ASIC2: variants seen among roughly 807,000 people sequenced by gnomAD.
ASIC2 encodes the protein acid sensing ion channel subunit 2.
A neutral mutation model predicts 57.3 loss-of-function variants in ASIC2; 25 were observed. The observed-to-expected ratio is 0.44, with a 90% CI of 0.32 to 0.61. The LOEUF (loss-of-function observed/expected upper bound fraction) is 0.61, where lower values mean the gene tolerates loss of function less well. ASIC2 is among the 20% of genes least tolerant of loss of function. The pLI is 0.06. For synonymous variants in ASIC2, 319 were observed against 307.5 expected (o/e 1.04, Z -0.39); for missense variants, 641 against 738.1 (o/e 0.87, Z 1.52).
chr17:33,873,881 C>T (rs1914484875), intron 1 of ASIC2, among the ~76,000 whole-genome samples: 2 of 152,170 alleles, frequency 1.3e-5, no homozygotes, highest in South Asian at 4.1e-4. Flanking sequence ...CAACTCCCTT[C>T]CACTGGTCTT....
At chr17:33,374,654 C>T (rs1397143412) in intron 1 of ASIC2, among the ~76,000 whole-genome samples, 4 of 152,190 alleles carry the variant, frequency 2.6e-5, no homozygotes, top group Non-Finnish European at 5.9e-5. Flanking sequence ...AAGAACCCAA[C>T]AGGTAATTAC....
chr17:33,431,543 C>G (rs532206747), intron 1 of ASIC2, among the ~76,000 whole-genome samples: 1 of 152,026 alleles, frequency 6.6e-6, no homozygotes, highest in Non-Finnish European at 1.5e-5. Flanking sequence ...AGGCGGAGGT[C>G]GCCGTGAGCT....
At chr17:33,978,035 C>T (rs932868607) in intron 1 of ASIC2, among the ~76,000 whole-genome samples, 1 of 152,134 alleles carries the variant, frequency 6.6e-6, no homozygotes, top group Non-Finnish European at 1.5e-5. Context: ...AGTCCTGGTG[C>T]CAGCCCTTGA....
intron 1 of ASIC2, among the ~76,000 whole-genome samples, chr17:33,523,692 C>T (rs1914807418): frequency 6.6e-6 from 1 of 152,192 alleles, no homozygotes; most frequent in Non-Finnish European, 1.5e-5. Flanking sequence ...ATGACACTTT[C>T]CCGTTGTTAT....
At chr17:33,948,901 G>T (rs1904470108) in intron 1 of ASIC2, among the ~76,000 whole-genome samples, 1 of 152,208 alleles carries the variant, frequency 6.6e-6, no homozygotes, top group Non-Finnish European at 1.5e-5. Context: ...GGGCCAGAGA[G>T]TAGATCTTTT....
At chr17:33,307,276 CCTT>C (rs112981249) in intron 1 of ASIC2, among the ~76,000 whole-genome samples, 75,439 of 147,472 alleles carry the variant, frequency 0.51, 19,352 homozygotes, top group East Asian at 0.72. Flanking sequence ...TCCTCCTCTT[CCTT>C]CTTCTTCTTC....
intron 1 of ASIC2, among the ~76,000 whole-genome samples, chr17:33,464,685 CTCTATATA>C (rs1567621338): frequency 3.8e-5 from 4 of 104,660 alleles, no homozygotes; most frequent in African/African-American, 7.6e-5. Context: ...CTCTCTCTCT[CTCTATATA>C]TATATATATA....
chr17:33,763,809 T>C (rs945629110), intron 1 of ASIC2, among the ~76,000 whole-genome samples: 21 of 152,214 alleles, frequency 1.4e-4, no homozygotes, highest in African/African-American at 5.1e-4. Flanking sequence ...TCTGGTTGCC[T>C]GTTACTGAAG....
At chr17:33,378,708 G>GAA (rs1015105749) in intron 1 of ASIC2, among the ~76,000 whole-genome samples, 3 of 152,242 alleles carry the variant, frequency 2.0e-5, no homozygotes, top group Non-Finnish European at 4.4e-5. Flanking sequence ...GCAAATCTCA[G>GAA]AAAAATGTTA....
At chr17:33,954,510 C>A (rs1204257382) in intron 1 of ASIC2, among the ~76,000 whole-genome samples, 1 of 152,166 alleles carries the variant, frequency 6.6e-6, no homozygotes, top group Non-Finnish European at 1.5e-5. Flanking sequence ...AGGAGCAAAA[C>A]GTCTCTGTTA....
Position 33,311,867 on chromosome 17 carries a change from C to T in ASIC2, c.556-199800G>A, listed in dbSNP as rs537342049. Among the ~76,000 whole-genome samples, 3 of 152,276 alleles carry T rather than the reference C, an allele frequency of 2.0e-5. No homozygotes were observed. In the East Asian group the frequency reaches 5.8e-4, roughly 29 times the overall value. ...ACTCTCATCTTTTTCTCCCAAACACCTTCCTCTTGAGTTTCTCAGCAAATG... is the reference window on the plus strand; with the variant it reads ...ACTCTCATCTTTTTCTCCCAAACACTTTCCTCTTGAGTTTCTCAGCAAATG... On this transcript the variant is annotated intron_variant, in intron 1 of 9. Coordinates refer to the ASIC2 transcript ENST00000359872.
intron 1 of ASIC2, chr17:33,572,311 A>G (rs1328392642): frequency 1.4e-5 from 2 of 146,416 alleles, no homozygotes; most frequent in Non-Finnish European, 1.5e-5. Flanking sequence ...CACCCCCCCC[A>G]CCCCAGGGTA....
chr17:33,705,783 T>C (rs1230415886), intron 1 of ASIC2, among the ~76,000 whole-genome samples: 1 of 152,130 alleles, frequency 6.6e-6, no homozygotes, highest in Non-Finnish European at 1.5e-5. Flanking sequence ...TAGAATAAAT[T>C]TCTGTTGTTT....
At chr17:33,191,363 C>T (rs1052950211) in intron 1 of ASIC2, among the ~76,000 whole-genome samples, 1 of 152,046 alleles carries the variant, frequency 6.6e-6, no homozygotes, top group African/African-American at 2.4e-5. Context: ...ACATGGGGAA[C>T]CTTTGTTGGG....
chr17:33,808,172 C>T (rs1018290157), intron 1 of ASIC2, among the ~76,000 whole-genome samples: 3 of 152,192 alleles, frequency 2.0e-5, no homozygotes, highest in South Asian at 2.1e-4. Context: ...CTTTTAGGCG[C>T]GTGATCCATT....
At chr17:33,555,189 T>C (rs767137498) in intron 1 of ASIC2, among the ~76,000 whole-genome samples, 6 of 152,124 alleles carry the variant, frequency 3.9e-5, no homozygotes, top group Non-Finnish European at 8.8e-5. Context: ...TAACCTACTA[T>C]TCCCTGAGTT....
chr17:33,095,373 T>A (rs1459111118), intron 2 of ASIC2, among the ~76,000 whole-genome samples: 2 of 152,210 alleles, frequency 1.3e-5, no homozygotes, highest in Non-Finnish European at 2.9e-5. Flanking sequence ...TCACACTTGA[T>A]CCCAACTCCC....
chr17:33,464,354 G>A (rs186343595), intron 1 of ASIC2, among the ~76,000 whole-genome samples: 1 of 152,074 alleles, frequency 6.6e-6, no homozygotes, highest in African/African-American at 2.4e-5. Flanking sequence ...TTGGAAAGCT[G>A]GTTGACTGGC....
chr17:33,433,185 T>C (rs1259693297), intron 1 of ASIC2, among the ~76,000 whole-genome samples: 1 of 152,040 alleles, frequency 6.6e-6, no homozygotes, highest in Non-Finnish European at 1.5e-5. Context: ...ATAAAGAAAA[T>C]GTGCTACATA....
Sources: gnomAD v4.1 joint callset for allele counts (sites outside exome capture counted in the v4.1 genomes callset) on GRCh38, gnomAD v4.1.1 for gene constraint, MANE v1.5 for transcripts, NCBI Gene and HGNC (gene_info 2026-07-23, HGNC 2026-07-21) for gene names.